Variants in PDIA5 observed in about 807,000 individuals in gnomAD.
PDIA5 encodes protein disulfide-isomerase A5.
PDIA5 carries 58 observed loss-of-function variants against 77.6 expected under a neutral mutation model. The observed-to-expected ratio is 0.75, with a 90% CI of 0.61 to 0.93. The LOEUF is 0.93. Among genes scored for constraint, PDIA5 ranks in the 40% least tolerant of loss-of-function variants. The probability of loss-of-function intolerance (pLI) is 0.00; values close to 1 mark genes in which losing one functional copy is unlikely to be tolerated. For synonymous variants in PDIA5, 250 were observed against 252.1 expected, an observed-to-expected ratio of 0.99 and a Z score of 0.08; for missense variants, 630 against 647.7, an observed-to-expected ratio of 0.97 and a Z score of 0.30.
chr3:123,151,959 G>GCCTGCCTTCCTT (rs1351350875), intron 14 of PDIA5, among the ~76,000 whole-genome samples: 1 of 125,684 alleles, frequency 8.0e-6, no homozygotes, highest in Non-Finnish European at 1.6e-5. Context: ...CTTCCTTCCT[G>GCCTGCCTTCCTT]CCTGCCTTCC....
At chr3:123,126,852 C>T (rs1935254269) in intron 10 of PDIA5, among the ~76,000 whole-genome samples, 1 of 152,176 alleles carries the variant, frequency 6.6e-6, no homozygotes, top group African/African-American at 2.4e-5. Context: ...AAGGGTGGCA[C>T]CAGGTGAGGC....
In PDIA5 at chr3:123,116,179, G is replaced by C. The variant is rs536551900; in HGVS notation, c.542-52G>C. On this transcript the variant is annotated intron_variant, in intron 7 of 16. Transcript: ENST00000316218. Reference sequence around the variant, plus strand: ...CATGGGGAGGCAGGGCAGGGTGCAAGGGCTCAGCCATCCCTGTAACCGGAT... The same window carrying C: ...CATGGGGAGGCAGGGCAGGGTGCAACGGCTCAGCCATCCCTGTAACCGGAT... 10 of 1,485,224 alleles carry C rather than the reference G, an allele frequency of 6.7e-6. No homozygotes were observed. In the African/African-American group the frequency reaches 6.9e-5, roughly 10 times the overall value. 92.0% of individuals were successfully genotyped at this position (1,485,224 alleles called of 1,614,324 possible). A position where few individuals can be genotyped will look rare whatever the true frequency, so the allele number is the denominator to read the frequency against.
chr3:123,151,874 C>CCT (rs1560562117), intron 14 of PDIA5, among the ~76,000 whole-genome samples: 1 of 101,068 alleles, frequency 9.9e-6, no homozygotes, highest in African/African-American at 4.1e-5. Flanking sequence ...CCTTCCTGCC[C>CCT]GCCTTCCTGC....
chr3:123,152,047 GCCTGCCTT>G (rs1935923227), intron 14 of PDIA5, among the ~76,000 whole-genome samples: 3 of 80,540 alleles, frequency 3.7e-5, no homozygotes, highest in Non-Finnish European at 5.7e-5. Context: ...CTTCCTTCCT[GCCTGCCTT>G]CCTTCCTGCC....
At chr3:123,152,462 CAGGGGGA>C (rs1206507743) in intron 14 of PDIA5, among the ~76,000 whole-genome samples, 1 of 152,138 alleles carries the variant, frequency 6.6e-6, no homozygotes, top group East Asian at 1.9e-4. Context: ...CAGTGGGTTA[CAGGGGGA>C]AGACTTTCCA....
intron 3 of PDIA5, among the ~76,000 whole-genome samples, chr3:123,102,014 A>T (rs1449908816): frequency 7.4e-6 from 1 of 136,004 alleles, no homozygotes; most frequent in African/African-American, 2.7e-5. Flanking sequence ...GGTTCAAGCG[A>T]TTCTCCTGCC....
At chr3:123,150,574 C>T (rs1427813015) in intron 14 of PDIA5, among the ~76,000 whole-genome samples, 1 of 152,174 alleles carries the variant, frequency 6.6e-6, no homozygotes, top group Non-Finnish European at 1.5e-5. Flanking sequence ...TCGGGCTCTC[C>T]TTCCTTTGGG....
chr3:123,099,760 A>T (rs1022343322), intron 3 of PDIA5, among the ~76,000 whole-genome samples: 1 of 152,202 alleles, frequency 6.6e-6, no homozygotes, highest in African/African-American at 2.4e-5. Context: ...GGACTTTTCC[A>T]TGGAGGGGTT....
At chr3:123,080,332 G>A (rs1933967446) in intron 1 of PDIA5, among the ~76,000 whole-genome samples, 1 of 152,190 alleles carries the variant, frequency 6.6e-6, no homozygotes, top group African/African-American at 2.4e-5. Context: ...CTGGAGGCTG[G>A]AGACGGTATG....
At chr3:123,072,040 T>G (rs1041654474) in intron 1 of PDIA5, among the ~76,000 whole-genome samples, 1 of 150,886 alleles carries the variant, frequency 6.6e-6, no homozygotes, top group Non-Finnish European at 1.5e-5. Flanking sequence ...TGTGGGGGAC[T>G]CGATTCTGTA....
At chr3:123,161,559 A>C in intron 16 of PDIA5, 104 bp downstream of exon 16, 1 of 1,268,962 alleles carries the variant, frequency 7.9e-7, no homozygotes, top group Non-Finnish European at 1.1e-6. Flanking sequence ...GAAACTGCAG[A>C]AGTCAGCTGG....
chr3:123,074,185 CTT>C (rs1933792200), intron 1 of PDIA5, among the ~76,000 whole-genome samples: 1 of 152,192 alleles, frequency 6.6e-6, no homozygotes, highest in African/African-American at 2.4e-5. Context: ...CCTTGAGAAT[CTT>C]TTATGAGCCA....
chr3:123,084,445 G>A (rs1220497026), intron 1 of PDIA5, among the ~76,000 whole-genome samples: 2 of 151,850 alleles, frequency 1.3e-5, no homozygotes, highest in African/African-American at 2.4e-5. Context: ...CTCTGTGGAC[G>A]CAGCCCTCCC....
At chr3:123,110,308 G>T (rs1173915943) in intron 6 of PDIA5, among the ~76,000 whole-genome samples, 1 of 152,064 alleles carries the variant, frequency 6.6e-6, no homozygotes, top group Non-Finnish European at 1.5e-5. Context: ...AATCTATTTT[G>T]CCTGTAACCT....
chr3:123,086,571 A>G (rs1934143473), intron 1 of PDIA5, among the ~76,000 whole-genome samples: 2 of 152,248 alleles, frequency 1.3e-5, no homozygotes, highest in East Asian at 1.9e-4. Flanking sequence ...GACCAAGCAT[A>G]TCAAATAAGC....
chr3:123,153,188 G>A lies in PDIA5; in HGVS notation c.1274-1783G>A, dbSNP rs1935951845. ...TTGATGGTAACAGGAATTTACACTAGGCTGACAGTTACCTTTAGACTTTCA... is the reference window on the plus strand; with the variant it reads ...TTGATGGTAACAGGAATTTACACTAAGCTGACAGTTACCTTTAGACTTTCA... On this transcript the variant is annotated intron_variant, in intron 14 of 16. Coordinates refer to ENST00000316218, the MANE Select transcript of PDIA5 (RefSeq NM_006810.4). Among the ~76,000 whole-genome samples the A allele has an allele frequency of 2.0e-5, 3 of 152,136 alleles. No homozygotes were observed. The South Asian group carries it at 6.2e-4, about 31-fold the overall frequency.
intron 3 of PDIA5, among the ~76,000 whole-genome samples, chr3:123,101,069 G>A (rs1383979734): frequency 6.6e-6 from 1 of 152,220 alleles, no homozygotes; most frequent in African/African-American, 2.4e-5. Context: ...GTGCAGGCAG[G>A]ATGGGGAAGC....
intron 8 of PDIA5, 58 bp from the exon 9 acceptor site, chr3:123,124,008 G>T: frequency 9.4e-7 from 1 of 1,061,028 alleles, no homozygotes; most frequent in South Asian, 1.3e-5. Flanking sequence ...ATGGCGTGTG[G>T]ACTAGAGGGT....
intron 2 of PDIA5, among the ~76,000 whole-genome samples, chr3:123,090,731 C>T (rs1280262616): frequency 6.6e-6 from 1 of 151,920 alleles, no homozygotes; most frequent in Non-Finnish European, 1.5e-5. Flanking sequence ...AAAGGTGGGG[C>T]CCTGTTGTCA....
Sources: gnomAD v4.1 joint callset for allele counts (sites outside exome capture counted in the v4.1 genomes callset) on GRCh38, gnomAD v4.1.1 for gene constraint, MANE v1.5 for transcripts, NCBI Gene and HGNC (gene_info 2026-07-23, HGNC 2026-07-21) for gene names.